The following GRID2 variants were observed in gnomAD, a reference collection of about 807,000 sequenced individuals.
GRID2 encodes the protein glutamate receptor ionotropic, delta-2.
A neutral mutation model predicts 114.8 loss-of-function variants in GRID2; 33 were observed. The observed-to-expected ratio is 0.29, with a 90% CI of 0.22 to 0.38. The LOEUF is 0.38. Ranked by LOEUF, GRID2 falls within the 10% of genes least tolerant of loss-of-function variation. The probability of loss-of-function intolerance (pLI) is 1.00; values close to 1 mark genes in which losing one functional copy is unlikely to be tolerated. For synonymous variants in GRID2, 505 were observed against 449.9 expected (o/e 1.12, Z -1.55); for missense variants, 1,184 against 1,257.7 (o/e 0.94, Z 0.89).
chr4:93,593,305 C>T (rs1365399210), intron 13 of GRID2, among the ~76,000 whole-genome samples: 4 of 142,444 alleles, frequency 2.8e-5, no homozygotes, highest in African/African-American at 1.0e-4. Flanking sequence ...ATTTCTCCTT[C>T]ACTTATGAAG....
chr4:92,663,762 A>G (rs1258132554), intron 2 of GRID2, among the ~76,000 whole-genome samples: 2 of 150,952 alleles, frequency 1.3e-5, no homozygotes, highest in African/African-American at 4.8e-5. Context: ...CATCTTGGAA[A>G]ACTGAAACTC....
At chr4:93,469,351 C>T (rs1724585238) in intron 11 of GRID2, among the ~76,000 whole-genome samples, 1 of 151,968 alleles carries the variant, frequency 6.6e-6, no homozygotes, top group Admixed American at 6.6e-5. Flanking sequence ...TTTGCTACAT[C>T]AAATCAATCT....
chr4:92,316,773 A>G (rs748898969), intron 1 of GRID2, among the ~76,000 whole-genome samples: 1 of 152,162 alleles, frequency 6.6e-6, no homozygotes, highest in Non-Finnish European at 1.5e-5. Context: ...TGCCATAAAA[A>G]CATATATTTC....
Position 92,658,285 on chromosome 4 carries a change from A to T in GRID2, c.244+67999A>T, listed in dbSNP as rs2149267050. ...TACACTGGTAGCTGAATAGTGATGA[A>T]TTATTCTAATTTCTCTATTAAATAC... On this transcript the variant is annotated intron_variant, in intron 2 of 15. Transcript: ENST00000282020. 2.6e-5 allele frequency among the ~76,000 whole-genome samples: 4 copies of T among 151,918 alleles called. No individual in the cohort carries two copies. The Admixed American group carries it at 2.6e-4, about 10-fold the overall frequency.
intron 1 of GRID2, among the ~76,000 whole-genome samples, chr4:92,575,727 G>A (rs1727856730): frequency 1.3e-5 from 2 of 152,196 alleles, no homozygotes; most frequent in African/African-American, 4.8e-5. Flanking sequence ...GGTGGCTGGA[G>A]TCCTTGGGCA....
intron 6 of GRID2, among the ~76,000 whole-genome samples, chr4:93,223,803 C>T (rs939117929): frequency 1.3e-5 from 2 of 151,900 alleles, no homozygotes; most frequent in Non-Finnish European, 2.9e-5. Context: ...AAAATAAGCA[C>T]CTTTGGTGAT....
intron 1 of GRID2, among the ~76,000 whole-genome samples, chr4:92,378,512 T>C (rs1000907247): frequency 6.6e-5 from 10 of 152,134 alleles, no homozygotes; most frequent in Non-Finnish European, 1.5e-5. Flanking sequence ...ATTCAAATTA[T>C]TTCCAAATAT....
chr4:93,462,678 C>G (rs1285801242), intron 11 of GRID2, among the ~76,000 whole-genome samples: 1 of 152,136 alleles, frequency 6.6e-6, no homozygotes, highest in African/African-American at 2.4e-5. Flanking sequence ...GGGAGACCAT[C>G]TCTTTAAAAC....
At chr4:92,909,436 G>T (rs970205386) in intron 2 of GRID2, among the ~76,000 whole-genome samples, 6 of 151,804 alleles carry the variant, frequency 4.0e-5, no homozygotes, top group African/African-American at 1.5e-4. Flanking sequence ...CTGGAGAAAA[G>T]GCAAATCTAA....
intron 1 of GRID2, among the ~76,000 whole-genome samples, chr4:93,786,288 C>A (rs1405975374): frequency 6.6e-6 from 1 of 152,110 alleles, no homozygotes; most frequent in East Asian, 1.9e-4. Flanking sequence ...ACACTGCTCT[C>A]CCAAGGAATA....
chr4:92,356,726 A>G (rs188329043), intron 1 of GRID2, among the ~76,000 whole-genome samples: 1 of 151,766 alleles, frequency 6.6e-6, no homozygotes, highest in African/African-American at 2.4e-5. Context: ...TGTGTCTACT[A>G]TGCTTTTCAT....
intron 8 of GRID2, among the ~76,000 whole-genome samples, chr4:93,350,824 C>G (rs185512862): frequency 2.6e-4 from 39 of 152,134 alleles, no homozygotes; most frequent in Non-Finnish European, 5.1e-4. Context: ...ATGTTTATCA[C>G]TGTATTAGTC....
intron 1 of GRID2, among the ~76,000 whole-genome samples, chr4:92,424,565 C>G (rs748199628): frequency 3.3e-5 from 5 of 151,746 alleles, no homozygotes; most frequent in Non-Finnish European, 7.4e-5. Context: ...CATAAGCCAC[C>G]AACATGTGGT....
At chr4:92,393,568 A>T (rs960056770) in intron 1 of GRID2, among the ~76,000 whole-genome samples, 1 of 152,158 alleles carries the variant, frequency 6.6e-6, no homozygotes, top group African/African-American at 2.4e-5. Context: ...TATGTAAGGA[A>T]ATATTTGCCC....
Position 92,709,888 on chromosome 4 carries a change from G to T in GRID2, c.244+119602G>T, listed in dbSNP as rs573351257. ...TTGATGCCTATTCTCAAACATCTGAGCAAAATTTAAGGTCTCCAAAAAGTA... is the reference window on the plus strand; with the variant it reads ...TTGATGCCTATTCTCAAACATCTGATCAAAATTTAAGGTCTCCAAAAAGTA... On this transcript the variant is annotated intron_variant, in intron 2 of 15. Coordinates refer to ENST00000282020, the MANE Select transcript of GRID2 (RefSeq NM_001510.4). Among the ~76,000 whole-genome samples the T allele has an allele frequency of 2.4e-3, 359 of 151,928 alleles. 2 individuals carry two copies. The highest frequency in any genetic ancestry group is 8.5e-3 in the African/African-American group (354 of 41,464).
chr4:93,438,959 T>C (rs1421411634), intron 10 of GRID2, among the ~76,000 whole-genome samples: 2 of 152,024 alleles, frequency 1.3e-5, no homozygotes, highest in African/African-American at 4.8e-5. Flanking sequence ...TGTGATAGTT[T>C]GCTGAGAATG....
At position 93,465,280 on chromosome 4, in the gene GRID2, A is replaced by G. The variant is rs541255054; in HGVS notation, c.1858+9306A>G. 3.3e-5 allele frequency among the ~76,000 whole-genome samples: 5 copies of G among 152,366 alleles called. 1 individual carries two copies. The highest frequency in any genetic ancestry group is 1.2e-4 in the African/African-American group (5 of 41,598). On this transcript the variant is annotated intron_variant, in intron 11 of 15. Coordinates refer to ENST00000282020, the MANE Select transcript of GRID2 (RefSeq NM_001510.4). ...GAGCCAATTTTTTACCTAGTCACAAAGGAAGAAAGAAATTGTTCAAATAAC... is the reference window on the plus strand; with the variant it reads ...GAGCCAATTTTTTACCTAGTCACAAGGGAAGAAAGAAATTGTTCAAATAAC...
chr4:93,324,913 T>G (rs1757660393), intron 8 of GRID2, among the ~76,000 whole-genome samples: 1 of 152,170 alleles, frequency 6.6e-6, no homozygotes, highest in Non-Finnish European at 1.5e-5. Flanking sequence ...TGTGTCTATT[T>G]GATTCTTCTC....
intron 11 of GRID2, among the ~76,000 whole-genome samples, chr4:93,482,533 G>A (rs1431153174): frequency 3.3e-5 from 5 of 151,810 alleles, no homozygotes; most frequent in African/African-American, 4.8e-5. Context: ...GGGGCGTGTC[G>A]AGGGTTGTGG....
Sources: allele counts gnomAD v4.1 joint callset (sites outside exome capture counted in the v4.1 genomes callset), GRCh38; gene constraint gnomAD v4.1.1; transcripts MANE v1.5; gene names NCBI Gene and HGNC (gene_info 2026-07-23, HGNC 2026-07-21).